Variants in FOXO1 observed in about 807,000 individuals in gnomAD.
FOXO1 encodes the protein forkhead box O1, also known as forkhead box protein O1.
In FOXO1, 6 loss-of-function variants were observed where a neutral mutation model predicts 44.1. That is an observed-to-expected ratio of 0.14 (90% CI 0.07 to 0.27). The LOEUF is 0.27. Ranked by LOEUF, FOXO1 falls within the 10% of genes least tolerant of loss-of-function variation. The probability of loss-of-function intolerance (pLI) is 1.00; values close to 1 mark genes in which losing one functional copy is unlikely to be tolerated. For synonymous variants in FOXO1, 380 were observed against 362.7 expected, an observed-to-expected ratio of 1.05 and a Z score of -0.54; for missense variants, 737 against 888.8, an observed-to-expected ratio of 0.83 and a Z score of 2.17.
At chr13:40,577,507 C>A (rs1405649868) in intron 1 of FOXO1, among the ~76,000 whole-genome samples, 1 of 152,114 alleles carries the variant, frequency 6.6e-6, no homozygotes, top group African/African-American at 2.4e-5. Flanking sequence ...GTCACAGAGT[C>A]TAATACTCTG....
intron 1 of FOXO1, among the ~76,000 whole-genome samples, chr13:40,595,718 G>A (rs1281323857): frequency 6.6e-6 from 1 of 151,898 alleles, no homozygotes; most frequent in African/African-American, 2.4e-5. Context: ...CTCCATCCTT[G>A]AACGGTTAAC....
rs539193252 is a variant in FOXO1 at position 40,619,107 on chromosome 13, A to G, written c.630+46476T>C. 5.5e-4 allele frequency: 218 copies of G among 393,328 alleles called. 4 individuals are homozygous for G. Among genetic ancestry groups the G allele is most frequent in the South Asian group, 4.1e-3 (210 of 51,012 alleles). 24.4% of individuals were successfully genotyped at this position (393,328 alleles called of 1,614,324 possible). On this transcript the variant is annotated intron_variant, in intron 1 of 2. Transcript: ENST00000379561. The stretch of plus-strand genomic sequence containing the variant: ...AAGACCAGCCTGGCCAACATGGTGA[A>G]ACCCCATCTCTACTAAACAGATATA...
intron 1 of FOXO1, among the ~76,000 whole-genome samples, chr13:40,602,719 G>C (rs1215520520): frequency 1.3e-5 from 2 of 152,130 alleles, no homozygotes; most frequent in African/African-American, 4.8e-5. Context: ...ACAAAACCCT[G>C]ATACAGCACC....
chr13:40,558,780 T>C lies in FOXO1; in HGVS notation c.*269A>G. On this transcript the variant is annotated 3_prime_UTR_variant, in exon 3 of 3. Transcript: ENST00000379561. ...CTGCAATTATATGGTGTAGTGAGTT[T>C]GGCACTTCATTGTAATGAAATTTCC... 1 of 398,994 alleles carries C rather than the reference T, an allele frequency of 2.5e-6. No homozygotes were observed. Among genetic ancestry groups the C allele is most frequent in the East Asian group, 3.6e-5 (1 of 28,074 alleles). 24.7% of individuals were successfully genotyped at this position (398,994 alleles called of 1,614,324 possible).
chr13:40,654,147 G>C (rs1275398042), intron 1 of FOXO1, among the ~76,000 whole-genome samples: 3 of 151,556 alleles, frequency 2.0e-5, no homozygotes, highest in African/African-American at 7.3e-5. Context: ...CTCTGTAACT[G>C]GAACTGCTCA....
intron 1 of FOXO1, among the ~76,000 whole-genome samples, chr13:40,622,150 T>G (rs1876635510): frequency 6.6e-6 from 1 of 152,218 alleles, no homozygotes. Flanking sequence ...TTTCTGTAAC[T>G]TTTTTGAAAG....
chr13:40,665,491 T>C, intron 1 of FOXO1, 92 bp downstream of exon 1: 1 of 1,133,800 alleles, frequency 8.8e-7, no homozygotes, highest in Non-Finnish European at 1.1e-6. Context: ...GCCCTCCTGC[T>C]CCGCACCTTC....
intron 1 of FOXO1, among the ~76,000 whole-genome samples, chr13:40,599,781 T>C (rs896279322): frequency 6.6e-6 from 1 of 152,158 alleles, no homozygotes; most frequent in Non-Finnish European, 1.5e-5. Flanking sequence ...TTTCAGATGG[T>C]GAGTGGTCTT....
chr13:40,653,339 T>C (rs1347783055), intron 1 of FOXO1, among the ~76,000 whole-genome samples: 1 of 152,172 alleles, frequency 6.6e-6, no homozygotes, highest in African/African-American at 2.4e-5. Flanking sequence ...TGCTGCAAGA[T>C]GAAGACCCTC....
intron 1 of FOXO1, among the ~76,000 whole-genome samples, chr13:40,581,981 G>A (rs1874972351): frequency 6.6e-6 from 1 of 152,282 alleles, no homozygotes; most frequent in Non-Finnish European, 1.5e-5. Flanking sequence ...TCTGGGACAA[G>A]GAGGGGAAGA....
At chr13:40,617,004 C>T (rs1406794028) in intron 1 of FOXO1, among the ~76,000 whole-genome samples, 2 of 152,180 alleles carry the variant, frequency 1.3e-5, no homozygotes, top group Admixed American at 6.5e-5. Context: ...TGCCCACACC[C>T]GCCCTACTGG....
At chr13:40,585,197 C>G (rs1875111116) in intron 1 of FOXO1, among the ~76,000 whole-genome samples, 1 of 152,112 alleles carries the variant, frequency 6.6e-6, no homozygotes, top group Non-Finnish European at 1.5e-5. Flanking sequence ...GTTCTGGGAT[C>G]AAATTTTAAG....
chr13:40,591,254 T>TTGCTGC (rs1168351997), intron 1 of FOXO1, among the ~76,000 whole-genome samples: 1 of 152,226 alleles, frequency 6.6e-6, no homozygotes, highest in Non-Finnish European at 1.5e-5. Flanking sequence ...AAGCTGTAGC[T>TTGCTGC]TGCTGCTACT....
chr13:40,579,529 A>C (rs2137848516), intron 1 of FOXO1, among the ~76,000 whole-genome samples: 1 of 152,102 alleles, frequency 6.6e-6, no homozygotes, highest in Non-Finnish European at 1.5e-5. Flanking sequence ...CAAGCAAGGT[A>C]TAGGAAGGAA....
intron 1 of FOXO1, among the ~76,000 whole-genome samples, chr13:40,648,784 T>C (rs1379717883): frequency 6.6e-6 from 1 of 152,178 alleles, no homozygotes; most frequent in Non-Finnish European, 1.5e-5. Context: ...ATAGCTAGAA[T>C]GAATAACCAT....
chr13:40,609,847 G>C (rs977758935), intron 1 of FOXO1, among the ~76,000 whole-genome samples: 1 of 152,032 alleles, frequency 6.6e-6, no homozygotes, highest in Non-Finnish European at 1.5e-5. Context: ...TTCCAATTAC[G>C]AATGTAGGCA....
chr13:40,566,952 A>C (rs1874293666), intron 1 of FOXO1, among the ~76,000 whole-genome samples: 1 of 152,060 alleles, frequency 6.6e-6, no homozygotes, highest in Non-Finnish European at 1.5e-5. Flanking sequence ...GGGTTGAAAA[A>C]AGAGACCTGG....
intron 1 of FOXO1, among the ~76,000 whole-genome samples, chr13:40,566,262 T>C (rs1049548816): frequency 1.3e-5 from 2 of 151,936 alleles, no homozygotes; most frequent in East Asian, 1.9e-4. Context: ...CTGAGGCTGG[T>C]CCCCAGAGAC....
At chr13:40,620,161 A>AC in intron 1 of FOXO1, 2 of 1,494,654 alleles carry the variant, frequency 1.3e-6, no homozygotes, top group South Asian at 2.3e-5. Flanking sequence ...GTCAAGAATA[A>AC]CAGTAGAAGA....
Sources: allele counts gnomAD v4.1 joint callset (sites outside exome capture counted in the v4.1 genomes callset), GRCh38; gene constraint gnomAD v4.1.1; transcripts MANE v1.5; gene names NCBI Gene and HGNC (gene_info 2026-07-23, HGNC 2026-07-21).